POLA1: variants seen among roughly 807,000 people sequenced by gnomAD.
POLA1 encodes DNA polymerase alpha 1, catalytic subunit, also known as DNA polymerase alpha catalytic subunit.
POLA1 carries 15 observed loss-of-function variants against 124.0 expected under a neutral mutation model. The observed-to-expected ratio is 0.12, with a 90% CI of 0.08 to 0.19. POLA1 has a LOEUF of 0.19. Among genes scored for constraint, POLA1 ranks in the 10% least tolerant of loss-of-function variants. POLA1 has a pLI of 1.00. For missense variants in POLA1, 886 were observed against 1,103.4 expected (o/e 0.80, Z 2.79); for synonymous variants, 408 against 389.4 (o/e 1.05, Z -0.56).
At chrX:24,835,421 A>C (rs2147047912) in intron 32 of POLA1, among the ~76,000 whole-genome samples, 1 of 111,417 alleles carries the variant, frequency 9.0e-6, no homozygotes, top group Admixed American at 9.5e-5. Flanking sequence ...TCACACCAAA[A>C]AACCTCACAA....
chrX:24,792,924 A>G (rs1182497843), intron 26 of POLA1, among the ~76,000 whole-genome samples: 2 of 111,578 alleles, frequency 1.8e-5, no homozygotes, highest in African/African-American at 6.5e-5. Context: ...CGTTATTAAT[A>G]TGTCATGGTC....
At chrX:24,858,300 G>C (rs1469592003) in intron 34 of POLA1, among the ~76,000 whole-genome samples, 1 of 111,808 alleles carries the variant, frequency 8.9e-6, no homozygotes. Context: ...AGTGTGCATA[G>C]AAATGTCATC....
chrX:24,862,132 T>C (rs2046724087), intron 34 of POLA1, among the ~76,000 whole-genome samples: 2 of 112,089 alleles, frequency 1.8e-5, no homozygotes, highest in African/African-American at 6.5e-5. Flanking sequence ...AGTGATGGTT[T>C]GGTTAGTGAC....
intron 26 of POLA1, among the ~76,000 whole-genome samples, chrX:24,751,594 A>C (rs1932324350): frequency 8.9e-6 from 1 of 112,131 alleles, no homozygotes; most frequent in African/African-American, 3.2e-5. Flanking sequence ...ATATGAGGCT[A>C]CTGAGAAATA....
chrX:24,709,169 C>G (rs1235019097), intron 4 of POLA1, among the ~76,000 whole-genome samples: 1 of 83,313 alleles, frequency 1.2e-5, no homozygotes, highest in Non-Finnish European at 2.4e-5. Context: ...ACCTCCCGGA[C>G]GGGGCGGCTG....
intron 15 of POLA1, 71 bp from the exon 16 acceptor site, chrX:24,732,299 G>C (rs1161165300): frequency 1.5e-6 from 1 of 675,502 alleles, no homozygotes; most frequent in Non-Finnish European, 2.4e-6. Flanking sequence ...AATATTCTTG[G>C]TGATTTTGGT....
At chrX:24,965,322 A>G (rs2048209836) in intron 36 of POLA1, among the ~76,000 whole-genome samples, 1 of 112,315 alleles carries the variant, frequency 8.9e-6, no homozygotes, top group African/African-American at 3.2e-5. Context: ...ATTTTCTTCA[A>G]ACTCTTCTGT....
intron 26 of POLA1, among the ~76,000 whole-genome samples, chrX:24,752,046 C>T (rs187794678): frequency 5.4e-5 from 6 of 111,867 alleles, no homozygotes; most frequent in South Asian, 3.7e-4. Flanking sequence ...TGGATTAATA[C>T]ACAGCCTAGG....
At chrX:24,886,302 A>G (rs2047064971) in intron 34 of POLA1, among the ~76,000 whole-genome samples, 1 of 111,958 alleles carries the variant, frequency 8.9e-6, no homozygotes, top group Non-Finnish European at 1.9e-5. Context: ...ATATATTACA[A>G]GTTTCATTAA....
At chrX:24,745,575 GT>G in intron 24 of POLA1, 33 bp downstream of exon 24, 1 of 1,047,559 alleles carries the variant, frequency 9.5e-7, no homozygotes, top group Non-Finnish European at 1.3e-6. Context: ...TTGAAATTGA[GT>G]TTAAAAAAAT....
At chrX:24,765,662 G>A (rs1423404379) in intron 26 of POLA1, among the ~76,000 whole-genome samples, 1 of 111,255 alleles carries the variant, frequency 9.0e-6, no homozygotes, top group Non-Finnish European at 1.9e-5. Flanking sequence ...CCAGCACACC[G>A]CCATCTCTCA....
chrX:24,933,318 C>A (rs968452756), intron 36 of POLA1, among the ~76,000 whole-genome samples: 39 of 112,045 alleles, frequency 3.5e-4, no homozygotes, highest in African/African-American at 1.3e-3. Flanking sequence ...ATAAAATTGA[C>A]TTCTCACTTT....
chrX:24,780,413 G>A (rs1339280696), intron 26 of POLA1, among the ~76,000 whole-genome samples: 2 of 112,725 alleles, frequency 1.8e-5, no homozygotes, highest in Non-Finnish European at 3.8e-5. Context: ...CATTAAGTAT[G>A]TTGTCAGCTG....
chrX:24,767,487 G>A (rs774822188), intron 26 of POLA1, among the ~76,000 whole-genome samples: 1 of 111,697 alleles, frequency 9.0e-6, no homozygotes, highest in Non-Finnish European at 1.9e-5. Flanking sequence ...TAATAGCTGA[G>A]ATATATTAAG....
intron 36 of POLA1, among the ~76,000 whole-genome samples, chrX:24,962,035 C>T (rs2048174361): frequency 8.9e-6 from 1 of 111,743 alleles, no homozygotes; most frequent in South Asian, 3.7e-4. Context: ...TGCTATTTCT[C>T]TATGTAATCT....
intron 36 of POLA1, among the ~76,000 whole-genome samples, chrX:24,939,041 G>T (rs1257643136): frequency 8.9e-6 from 1 of 112,104 alleles, no homozygotes; most frequent in Non-Finnish European, 1.9e-5. Context: ...GAGACTTAGA[G>T]GCTTTCTATG....
chrX:24,734,647 C>T (rs11573351), intron 17 of POLA1, among the ~76,000 whole-genome samples: 35 of 111,161 alleles, frequency 3.1e-4, no homozygotes, highest in Middle Eastern at 4.6e-3. Context: ...GACGGAGTCC[C>T]GCTTTGTTGC....
intron 15 of POLA1, among the ~76,000 whole-genome samples, chrX:24,728,774 A>T (rs1930708080): frequency 8.9e-6 from 1 of 112,171 alleles, no homozygotes. Flanking sequence ...ACTGGAAGAC[A>T]GCATGTTTAC....
intron 26 of POLA1, among the ~76,000 whole-genome samples, chrX:24,787,762 A>G (rs1465561360): frequency 8.9e-6 from 1 of 112,036 alleles, no homozygotes; most frequent in African/African-American, 3.2e-5. Context: ...ATGCCATTGG[A>G]ATTTTGATAG....
Sources: allele counts gnomAD v4.1 joint callset (sites outside exome capture counted in the v4.1 genomes callset), GRCh38; gene constraint gnomAD v4.1.1; transcripts MANE v1.5; gene names NCBI Gene and HGNC (gene_info 2026-07-23, HGNC 2026-07-21).